The following ATG10 variants were observed in gnomAD, a reference collection of about 807,000 sequenced individuals.
ATG10 encodes ubiquitin-like-conjugating enzyme ATG10.
ATG10 carries 30 observed loss-of-function variants against 32.1 expected under a neutral mutation model. The ratio of observed to expected loss-of-function variants is 0.94; its 90% CI spans 0.70 to 1.27. The LOEUF is 1.27. Among genes scored for constraint, ATG10 ranks in the 50% most tolerant of loss-of-function variants. ATG10 has a pLI of 0.00. For missense variants in ATG10, 233 were observed against 262.3 expected (o/e 0.89, Z 0.77); for synonymous variants, 87 against 91.5 (o/e 0.95, Z 0.28).
chr5:82,231,631 T>C (rs1746371551), intron 5 of ATG10, among the ~76,000 whole-genome samples: 1 of 152,188 alleles, frequency 6.6e-6, no homozygotes, highest in Non-Finnish European at 1.5e-5. Context: ...CTTTAACATT[T>C]TTCGTTATGA....
rs1181453535 is a variant in ATG10 at position 82,129,450 on chromosome 5, T to C, written c.217-34949T>C. Among the ~76,000 whole-genome samples, 8 of 152,084 alleles carry C rather than the reference T, an allele frequency of 5.3e-5. No individual in the cohort carries two copies. In the South Asian group the frequency reaches 1.7e-3, roughly 32 times the overall value. On this transcript the variant is annotated intron_variant, in intron 3 of 7. Transcript: ENST00000282185. Reference sequence around the variant, plus strand: ...CTGGTTTTTGGAATTTTCAGCCTTTTTGCACTGATTTTTCCTCATCTTTGT... The same window carrying C: ...CTGGTTTTTGGAATTTTCAGCCTTTCTGCACTGATTTTTCCTCATCTTTGT...
intron 3 of ATG10, among the ~76,000 whole-genome samples, chr5:82,117,641 A>G (rs972957258): frequency 6.6e-6 from 1 of 152,138 alleles, no homozygotes; most frequent in Non-Finnish European, 1.5e-5. Context: ...GAGGAGTTTC[A>G]TTCATATGAT....
rs1745204096 is a variant in ATG10 at position 82,204,454 on chromosome 5, G to T, written c.453+25867G>T. Among the ~76,000 whole-genome samples the T allele has an allele frequency of 1.3e-5, 2 of 152,164 alleles. 1 individual carries two copies. Among genetic ancestry groups the T allele is most frequent in the South Asian group, 4.1e-4 (2 of 4,834 alleles). On this transcript the variant is annotated intron_variant, in intron 5 of 7. Coordinates refer to ENST00000282185, the MANE Select transcript of ATG10 (RefSeq NM_031482.5). ...TTTTACAATGTACCAGACACCTATA[G>T]TAATTGCGAGGTTAGCAAGATAGAC...
chr5:82,038,759 T>G (rs1261064051), intron 2 of ATG10, among the ~76,000 whole-genome samples: 1 of 152,212 alleles, frequency 6.6e-6, no homozygotes, highest in Non-Finnish European at 1.5e-5. Flanking sequence ...ATGTCTTAAG[T>G]AGAGCCTAAT....
intron 3 of ATG10, among the ~76,000 whole-genome samples, chr5:82,141,880 A>G (rs1016400164): frequency 1.5e-4 from 23 of 151,934 alleles, no homozygotes; most frequent in African/African-American, 5.3e-4. Context: ...TGCCCGTGGG[A>G]TAGCCTCCCT....
chr5:81,976,264 C>CCAAACACATCTCTAGGTTTCAAA (rs1581555629), intron 1 of ATG10: 1 of 152,684 alleles, frequency 6.5e-6, no homozygotes, highest in East Asian at 1.9e-4. Context: ...CCGCCTCGGC[C>CCAAACACATCTCTAGGTTTCAAA]TCCCAAAGTG....
chr5:82,080,395 T>C (rs1764434999), intron 3 of ATG10, among the ~76,000 whole-genome samples: 1 of 152,252 alleles, frequency 6.6e-6, no homozygotes, highest in Non-Finnish European at 1.5e-5. Context: ...TTTTGGCTTT[T>C]GTTGCCATTG....
chr5:82,217,582 TACAC>T (rs141381571), intron 5 of ATG10, among the ~76,000 whole-genome samples: 1 of 151,826 alleles, frequency 6.6e-6, no homozygotes, highest in Non-Finnish European at 1.5e-5. Context: ...TGCATATATA[TACAC>T]ACACACACCC....
chr5:82,133,400 A>T (rs916998884), intron 3 of ATG10, among the ~76,000 whole-genome samples: 1 of 152,106 alleles, frequency 6.6e-6, no homozygotes, highest in Non-Finnish European at 1.5e-5. Context: ...TAATTTTTGC[A>T]TAACGTGTAA....
chr5:82,021,324 A>C (rs1762428846), intron 2 of ATG10, among the ~76,000 whole-genome samples: 1 of 152,196 alleles, frequency 6.6e-6, no homozygotes, highest in South Asian at 2.1e-4. Flanking sequence ...TTTATTATAT[A>C]GTCATCCCTC....
intron 5 of ATG10, among the ~76,000 whole-genome samples, chr5:82,220,915 G>T (rs1745900639): frequency 6.6e-6 from 1 of 152,024 alleles, no homozygotes; most frequent in Non-Finnish European, 1.5e-5. Flanking sequence ...GTGCCACCAT[G>T]CCTGGCTAAT....
intron 1 of ATG10, among the ~76,000 whole-genome samples, chr5:81,986,132 T>C (rs1440946397): frequency 1.3e-5 from 2 of 152,090 alleles, no homozygotes; most frequent in Non-Finnish European, 1.5e-5. Context: ...ATGGTCTGGA[T>C]CTCCTGACCT....
At chr5:82,044,037 A>T (rs1031202197) in intron 2 of ATG10, among the ~76,000 whole-genome samples, 5 of 152,008 alleles carry the variant, frequency 3.3e-5, no homozygotes, top group African/African-American at 1.2e-4. Flanking sequence ...AATTTTCTAT[A>T]TTAGTCTGTT....
intron 1 of ATG10, among the ~76,000 whole-genome samples, chr5:81,982,358 T>C (rs145979761): frequency 0.043 from 6,611 of 152,188 alleles, 485 homozygotes; most frequent in African/African-American, 0.15. Flanking sequence ...CCCAGCTACT[T>C]GGGATGCTGA....
chr5:82,000,968 G>A (rs1173346819), intron 2 of ATG10, among the ~76,000 whole-genome samples: 1 of 152,080 alleles, frequency 6.6e-6, no homozygotes, highest in East Asian at 1.9e-4. Context: ...AAAATCAGTA[G>A]CATTTCTATG....
At chr5:82,094,666 T>C (rs745436646) in intron 3 of ATG10, among the ~76,000 whole-genome samples, 10 of 152,138 alleles carry the variant, frequency 6.6e-5, no homozygotes, top group Non-Finnish European at 1.5e-5. Context: ...AACCAGGAAA[T>C]AACTTGAATG....
At chr5:82,150,577 G>C (rs1254267940) in intron 3 of ATG10, among the ~76,000 whole-genome samples, 1 of 152,172 alleles carries the variant, frequency 6.6e-6, no homozygotes, top group African/African-American at 2.4e-5. Context: ...AGACATGAGG[G>C]TCCAGCATTT....
chr5:82,146,531 T>G lies in ATG10; in HGVS notation c.217-17868T>G, dbSNP rs527598003. 1.6e-4 allele frequency among the ~76,000 whole-genome samples: 24 copies of G among 152,102 alleles called. No homozygotes were observed. In the South Asian group the frequency reaches 4.4e-3, roughly 28 times the overall value. On this transcript the variant is annotated intron_variant, in intron 3 of 7. Coordinates refer to ENST00000282185, the MANE Select transcript of ATG10 (RefSeq NM_031482.5). ...TTTTTCTGCCTTATTCTCTAAACTG[T>G]TCTTCTAGGACTCCAGTTGTCTATA...
chr5:82,253,738 T>C (rs1049982372), intron 7 of ATG10, among the ~76,000 whole-genome samples: 1 of 152,332 alleles, frequency 6.6e-6, no homozygotes, highest in East Asian at 1.9e-4. Flanking sequence ...TGCATAGGAA[T>C]GTGAACCCTA....
Sources: gnomAD v4.1 joint callset for allele counts (sites outside exome capture counted in the v4.1 genomes callset) on GRCh38, gnomAD v4.1.1 for gene constraint, MANE v1.5 for transcripts, NCBI Gene and HGNC (gene_info 2026-07-23, HGNC 2026-07-21) for gene names.